DLD: variants seen among roughly 807,000 people sequenced by gnomAD.
The protein encoded by DLD is dihydrolipoamide dehydrogenase.
A neutral mutation model predicts 62.2 loss-of-function variants in DLD; 36 were observed. The observed-to-expected ratio is 0.58, with a 90% CI of 0.44 to 0.76. The LOEUF is 0.76. Among genes scored for constraint, DLD ranks in the 30% least tolerant of loss-of-function variants. The pLI, the probability that DLD is intolerant of heterozygous loss-of-function variation, is 0.00. For missense variants in DLD, 541 were observed against 608.6 expected (o/e 0.89, Z 1.17); for synonymous variants, 204 against 199.6 (o/e 1.02, Z -0.19).
In DLD at chr7:107,902,070, A is replaced by G. The variant is rs17154585; in HGVS notation, c.198+253A>G. 0.013 allele frequency among the ~76,000 whole-genome samples: 1,926 copies of G among 151,566 alleles called. 42 individuals are homozygous for G. Among genetic ancestry groups the G allele is most frequent in the African/African-American group, 0.045 (1,819 of 40,858 alleles). ...CATCTAATCACACTTTGGAAGATACAGTGATAGAACTAAAAGCATATATTT... is the reference window on the plus strand; with the variant it reads ...CATCTAATCACACTTTGGAAGATACGGTGATAGAACTAAAAGCATATATTT... On this transcript the variant is annotated intron_variant, in intron 3 of 13. Coordinates refer to ENST00000205402, the MANE Select transcript of DLD (RefSeq NM_000108.5).
rs182860104 is a variant in DLD at position 107,918,189 on chromosome 7, G to C, written c.1374+128G>C. On this transcript the variant is annotated intron_variant, in intron 12 of 13. Transcript: ENST00000205402. The stretch of plus-strand genomic sequence containing the variant: ...AGCAAAACTTTGAATATGGCTCTCT[G>C]TGCATCATTTCTAGAAGGATACCAG... The C allele has an allele frequency of 7.1e-4, 705 of 993,718 alleles. 4 individuals carry two copies. In the African/African-American group the frequency reaches 0.011, roughly 15 times the overall value. The allele number at this position is 993,718 out of a possible 1,614,324, so 61.6% of individuals were successfully genotyped here.
intron 8 of DLD, among the ~76,000 whole-genome samples, chr7:107,909,629 A>C (rs2032090197): frequency 6.6e-6 from 1 of 152,190 alleles, no homozygotes; most frequent in South Asian, 2.1e-4. Context: ...CCTGTTTGGA[A>C]CACTTGTGGT....
chr7:107,896,460 A>G (rs2031727727), intron 2 of DLD, among the ~76,000 whole-genome samples: 1 of 152,188 alleles, frequency 6.6e-6, no homozygotes, highest in Non-Finnish European at 1.5e-5. Context: ...AGATTGAGTA[A>G]TTTGCCCAAG....
rs1584465438 is a variant in DLD, at chr7:107,906,202, A to T, written c.583-65A>T. Reference sequence around the variant, plus strand: ...ATCTGCAAATTTGGAACCCATGGATATGGAGGGTCGACTGTACTAGGTTTT... The same window carrying T: ...ATCTGCAAATTTGGAACCCATGGATTTGGAGGGTCGACTGTACTAGGTTTT... On this transcript the variant is annotated intron_variant, in intron 7 of 13. Coordinates refer to ENST00000205402, the MANE Select transcript of DLD (RefSeq NM_000108.5). 5 of 978,776 alleles carry T rather than the reference A, an allele frequency of 5.1e-6. No homozygotes were observed. In the East Asian group the frequency reaches 1.3e-4, roughly 25 times the overall value. The allele number at this position is 978,776 out of a possible 1,614,324, so 60.6% of individuals were successfully genotyped here. A position where few individuals can be genotyped will look rare whatever the true frequency, so the allele number is the denominator to read the frequency against.
intron 8 of DLD, among the ~76,000 whole-genome samples, chr7:107,912,442 A>G (rs1436773985): frequency 6.6e-6 from 1 of 152,036 alleles, no homozygotes. Context: ...TTACATTCCC[A>G]CTAACAGTGT....
At chr7:107,907,467 T>C (rs2032035109) in intron 8 of DLD, among the ~76,000 whole-genome samples, 2 of 152,160 alleles carry the variant, frequency 1.3e-5, no homozygotes, top group African/African-American at 4.8e-5. Flanking sequence ...CTTTTAAATA[T>C]TACATAAAAG....
chr7:107,891,165 T>C (rs1460068879), upstream of DLD: 1 of 1,529,808 alleles, frequency 6.5e-7, no homozygotes, highest in Non-Finnish European at 9.0e-7. Context: ...CGCCTGTGCA[T>C]GCGCAGGGAG....
intron 1 of DLD, among the ~76,000 whole-genome samples, chr7:107,892,465 A>C (rs1392925914): frequency 1.3e-5 from 2 of 152,240 alleles, no homozygotes; most frequent in Non-Finnish European, 2.9e-5. Context: ...GTTAGGAAAC[A>C]AAAATTACAG....
chr7:107,917,166 A>G, intron 10 of DLD, 107 bp from the exon 11 acceptor site: 7 of 1,347,888 alleles, frequency 5.2e-6, no homozygotes, highest in Non-Finnish European at 7.3e-6. Context: ...CATTTGATGT[A>G]TTTTTTGGTG....
intron 5 of DLD, among the ~76,000 whole-genome samples, chr7:107,903,999 A>T (rs1335913426): frequency 6.6e-6 from 1 of 152,214 alleles, no homozygotes; most frequent in African/African-American, 2.4e-5. Context: ...AGGACATTTC[A>T]TAACGTATCT....
intron 8 of DLD, among the ~76,000 whole-genome samples, chr7:107,912,067 A>G (rs1376659886): frequency 6.6e-6 from 1 of 151,298 alleles, no homozygotes; most frequent in African/African-American, 2.4e-5. Flanking sequence ...TAGCTCCCAC[A>G]TGTTAGAACA....
intron 8 of DLD, among the ~76,000 whole-genome samples, chr7:107,912,499 G>C (rs767234081): frequency 1.3e-5 from 2 of 151,892 alleles, no homozygotes; most frequent in Non-Finnish European, 2.9e-5. Flanking sequence ...TTGTTATTGC[G>C]ATCTTTTTGA....
intron 5 of DLD, chr7:107,904,526 T>C (rs2031955643): frequency 8.3e-6 from 3 of 363,062 alleles, no homozygotes; most frequent in Non-Finnish European, 1.6e-5. Flanking sequence ...ATTAAACTTT[T>C]TAATGTTAAG....
chr7:107,902,497 C>G (rs755254372), intron 4 of DLD, 104 bp downstream of exon 4: 2 of 998,184 alleles, frequency 2.0e-6, no homozygotes, highest in Non-Finnish European at 3.2e-6. Context: ...AAAAAACAAT[C>G]CAAGTTGTGG....
intron 2 of DLD, 104 bp downstream of exon 2, chr7:107,893,382 T>C: frequency 1.2e-6 from 1 of 832,138 alleles, no homozygotes; most frequent in South Asian, 1.7e-5. Flanking sequence ...GTTAAGTGTC[T>C]TATAGTTCAT....
intron 8 of DLD, among the ~76,000 whole-genome samples, chr7:107,909,584 A>G (rs1353553379): frequency 3.9e-5 from 6 of 152,206 alleles, no homozygotes; most frequent in African/African-American, 1.2e-4. Context: ...TCACCAGTCC[A>G]GAAACCCTTC....
chr7:107,896,272 G>T (rs1030142311), intron 2 of DLD, among the ~76,000 whole-genome samples: 1 of 152,216 alleles, frequency 6.6e-6, no homozygotes, highest in Non-Finnish European at 1.5e-5. Context: ...ATGTGAATGA[G>T]GCTAGAGGCT....
intron 5 of DLD, 28 bp from the exon 6 acceptor site, chr7:107,904,929 GA>G (rs1562914970): frequency 6.5e-7 from 1 of 1,536,892 alleles, no homozygotes; most frequent in East Asian, 2.3e-5. Context: ...ATTTAGCTAA[GA>G]ACTAAAGATT....
At chr7:107,896,119 C>T (rs1394842479) in intron 2 of DLD, among the ~76,000 whole-genome samples, 2 of 152,162 alleles carry the variant, frequency 1.3e-5, no homozygotes, top group Non-Finnish European at 2.9e-5. Context: ...GAAATAGTTA[C>T]TGAAGGAATT....
Sources: allele counts gnomAD v4.1 joint callset (sites outside exome capture counted in the v4.1 genomes callset), GRCh38; gene constraint gnomAD v4.1.1; transcripts MANE v1.5; gene names NCBI Gene and HGNC (gene_info 2026-07-23, HGNC 2026-07-21).